The following IARS1 variants were observed in gnomAD, a reference collection of about 807,000 sequenced individuals.
The protein encoded by IARS1 is isoleucine--tRNA ligase, cytoplasmic.
Under a neutral mutation model 168.2 loss-of-function variants are expected in IARS1, and 124 were observed. The observed-to-expected ratio is 0.74, with a 90% CI of 0.64 to 0.86. IARS1 has a LOEUF of 0.86. Ranked by LOEUF, IARS1 falls within the 40% of genes least tolerant of loss-of-function variation. The probability of loss-of-function intolerance (pLI) is 0.00; values close to 1 mark genes in which losing one functional copy is unlikely to be tolerated. For synonymous variants in IARS1, 532 were observed against 529.4 expected, an observed-to-expected ratio of 1.00 and a Z score of -0.07; for missense variants, 1,452 against 1,515.8, an observed-to-expected ratio of 0.96 and a Z score of 0.70.
At position 92,240,969 on chromosome 9, in the gene IARS1, CAT is replaced by C; in HGVS notation, c.3178-10_3178-9del. The stretch of plus-strand genomic sequence containing the variant: ...CAGTTCAGATCCCTTCAACTGAGCA[CAT>C]GAGAACGTATGACTGAGTAACTGTG... On this transcript the variant is annotated splice_polypyrimidine_tract_variant and intron_variant, in intron 29 of 33. Coordinates refer to ENST00000443024, the MANE Select transcript of IARS1 (RefSeq NM_002161.6). 5 of 1,554,616 alleles carry C rather than the reference CAT, an allele frequency of 3.2e-6. No homozygotes were observed. The highest frequency in any genetic ancestry group is 4.4e-6 in the Non-Finnish European group (5 of 1,126,444).
chr9:92,211,987 A>AG (rs1837841336), intron 33 of IARS1, among the ~76,000 whole-genome samples: 1 of 152,210 alleles, frequency 6.6e-6, no homozygotes, highest in African/African-American at 2.4e-5. Context: ...ACAAAAAAAA[A>AG]GAAAATTTAA....
chr9:92,228,394 G>C (rs890717226), intron 31 of IARS1, among the ~76,000 whole-genome samples: 1 of 151,910 alleles, frequency 6.6e-6, no homozygotes, highest in Non-Finnish European at 1.5e-5. Flanking sequence ...GACTTAGTGA[G>C]ATCCAGGCAT....
chr9:92,220,610 ACT>A (rs1172591567), intron 33 of IARS1, among the ~76,000 whole-genome samples: 2 of 150,534 alleles, frequency 1.3e-5, no homozygotes, highest in South Asian at 2.1e-4. Context: ...CAAGAGTGAA[ACT>A]CTGTCTCAAA....
intron 33 of IARS1, among the ~76,000 whole-genome samples, 155 bp downstream of exon 33, chr9:92,222,365 A>AG (rs1491023960): frequency 3.6e-5 from 5 of 139,092 alleles, no homozygotes; most frequent in Non-Finnish European, 6.2e-5. Flanking sequence ...AAAAAAAAAA[A>AG]GAAAAGAAAA....
At chr9:92,278,497 T>C (rs1471138328) in intron 7 of IARS1, among the ~76,000 whole-genome samples, 1 of 152,152 alleles carries the variant, frequency 6.6e-6, no homozygotes, top group African/African-American at 2.4e-5. Flanking sequence ...ACTTAGGCAG[T>C]TGGTAGTTAT....
At chr9:92,250,579 G>A (rs1829871391) in intron 23 of IARS1, 134 bp downstream of exon 23, 1 of 978,186 alleles carries the variant, frequency 1.0e-6, no homozygotes, top group Non-Finnish European at 1.5e-6. Context: ...TGCAGCCTGA[G>A]GAGTTCATGT....
chr9:92,232,888 C>G (rs972017642), intron 30 of IARS1, among the ~76,000 whole-genome samples: 2 of 152,140 alleles, frequency 1.3e-5, no homozygotes, highest in African/African-American at 4.8e-5. Context: ...TTAATTATCA[C>G]TCTGGTTAAA....
intron 9 of IARS1, among the ~76,000 whole-genome samples, chr9:92,276,782 C>T (rs1198128189): frequency 6.6e-6 from 1 of 152,168 alleles, no homozygotes; most frequent in Non-Finnish European, 1.5e-5. Context: ...TAAATAAGGA[C>T]GGAGAAATTC....
At chr9:92,272,890 T>A (rs62565128) in intron 10 of IARS1, among the ~76,000 whole-genome samples, 1 of 149,296 alleles carries the variant, frequency 6.7e-6, no homozygotes, top group African/African-American at 2.5e-5. Flanking sequence ...AAAAAAAATT[T>A]ACCAAATGGT....
chr9:92,292,380 T>C (rs1377493764), intron 1 of IARS1: 1 of 152,652 alleles, frequency 6.6e-6, no homozygotes, highest in Admixed American at 6.6e-5. Flanking sequence ...GAGTCTCTAC[T>C]TTCCCCAAAG....
chr9:92,293,207 T>C (rs183010248), intron 1 of IARS1, among the ~76,000 whole-genome samples: 1 of 152,358 alleles, frequency 6.6e-6, no homozygotes, highest in Non-Finnish European at 1.5e-5. Context: ...AAAATGTGTA[T>C]ACAATGACAT....
chr9:92,265,675 G>C, intron 14 of IARS1, 122 bp from the exon 15 acceptor site: 2 of 797,884 alleles, frequency 2.5e-6, no homozygotes, highest in South Asian at 3.0e-5. Context: ...CTTTTTTTTT[G>C]AGATAGGGTC....
In IARS1 at chr9:92,238,623, T is replaced by C. The variant is rs562909058; in HGVS notation, c.3283+2233A>G. Among the ~76,000 whole-genome samples the C allele has an allele frequency of 2.1e-3, 323 of 152,318 alleles. 1 individual carries two copies. The highest frequency in any genetic ancestry group is 9.3e-3 in the South Asian group (45 of 4,826). On this transcript the variant is annotated intron_variant, in intron 30 of 33. Coordinates refer to ENST00000443024, the MANE Select transcript of IARS1 (RefSeq NM_002161.6). ...TTATAAACTAGCCAGCCTCAGGTAT[T>C]CCTTTATAGCAATGAAAAATGGACT...
At chr9:92,240,288 C>A in intron 30 of IARS1, 2 of 185,346 alleles carry the variant, frequency 1.1e-5, no homozygotes, top group Non-Finnish European at 1.1e-5. Flanking sequence ...TTTGGTGAGA[C>A]AGTCTTGCTT....
chr9:92,210,735 C>A lies in IARS1; in HGVS notation c.*72G>T. On this transcript the variant is annotated 3_prime_UTR_variant, in exon 34 of 34. Transcript: ENST00000443024. ...ATCTTCAGTGTGTTCATGTGTGTGTCTATGTGCATGTATGTGTAGGGGATA... is the reference window on the plus strand; with the variant it reads ...ATCTTCAGTGTGTTCATGTGTGTGTATATGTGCATGTATGTGTAGGGGATA... The A allele has an allele frequency of 1.2e-6, 1 of 849,678 alleles. No individual in the cohort carries two copies. The highest frequency in any genetic ancestry group is 1.4e-5 in the South Asian group (1 of 74,034). 52.6% of individuals were successfully genotyped at this position (849,678 alleles called of 1,614,324 possible).
rs1835521826 is a variant in IARS1, at chr9:92,286,706, T to C, written c.397-88A>G. 5.2e-5 allele frequency: 38 copies of C among 736,528 alleles called. No individual in the cohort carries two copies. The South Asian group carries it at 7.1e-4, about 14-fold the overall frequency. The allele number at this position is 736,528 out of a possible 1,614,324, so 45.6% of individuals were successfully genotyped here. A position where few individuals can be genotyped will look rare whatever the true frequency, so the allele number is the denominator to read the frequency against. ...TGTTTATTTCTGTTGTCATCACAAATGAAAATTTTGGGAAAACAGAATAAT... is the reference window on the plus strand; with the variant it reads ...TGTTTATTTCTGTTGTCATCACAAACGAAAATTTTGGGAAAACAGAATAAT... On this transcript the variant is annotated intron_variant, in intron 4 of 33. Coordinates refer to ENST00000443024, the MANE Select transcript of IARS1 (RefSeq NM_002161.6).
rs1830060054 is a variant in IARS1, at chr9:92,251,945, AAAT to A, written c.2230-63_2230-61del. ...GTTAAATAAGTGTTTATCATTAAAA[AAAT>A]AAGTTTATTAAAAAGAGGCAATCTT... On this transcript the variant is annotated intron_variant, in intron 21 of 33. Coordinates refer to ENST00000443024, the MANE Select transcript of IARS1 (RefSeq NM_002161.6). 4.1e-6 allele frequency: 5 copies of A among 1,218,744 alleles called. No individual in the cohort carries two copies. In the South Asian group the frequency reaches 5.0e-5, roughly 12 times the overall value. 75.5% of individuals were successfully genotyped at this position (1,218,744 alleles called of 1,614,324 possible). A position where few individuals can be genotyped will look rare whatever the true frequency, so the allele number is the denominator to read the frequency against.
intron 6 of IARS1, among the ~76,000 whole-genome samples, chr9:92,282,839 C>CATAT (rs772428704): frequency 1.6e-4 from 23 of 142,248 alleles, no homozygotes; most frequent in East Asian, 1.0e-3. Context: ...CATACACACA[C>CATAT]ATATATATAT....
chr9:92,287,161 A>G (rs989410083), intron 4 of IARS1, among the ~76,000 whole-genome samples: 2 of 152,250 alleles, frequency 1.3e-5, no homozygotes, highest in Non-Finnish European at 2.9e-5. Flanking sequence ...CCAAAAATGC[A>G]TAACCTAAAT....
Sources: gnomAD v4.1 joint callset for allele counts (sites outside exome capture counted in the v4.1 genomes callset) on GRCh38, gnomAD v4.1.1 for gene constraint, MANE v1.5 for transcripts, NCBI Gene and HGNC (gene_info 2026-07-23, HGNC 2026-07-21) for gene names.